The following NBAS variants were observed in gnomAD, a reference collection of about 807,000 sequenced individuals.
NBAS encodes the protein NAG/BC035112 fusion.
Under a neutral mutation model 302.5 loss-of-function variants are expected in NBAS, and 219 were observed. That is an observed-to-expected ratio of 0.72 (90% CI 0.65 to 0.81). The LOEUF is 0.81. NBAS is among the 30% of genes least tolerant of loss of function. The probability of loss-of-function intolerance (pLI) is 0.00; values close to 1 mark genes in which losing one functional copy is unlikely to be tolerated. For synonymous variants in NBAS, 1,118 were observed against 1,021.6 expected (o/e 1.09, Z -1.80); for missense variants, 2,932 against 2,841.6 (o/e 1.03, Z -0.72).
In NBAS at chr2:15,417,672, C is replaced by T. The variant is rs372807975; in HGVS notation, c.2618G>A (p.Arg873Gln). Reference protein sequence around the residue: ...ALSLIRLGMERNIPGLLVLCD... With the variant: ...ALSLIRLGMEQNIPGLLVLCD... ...GAGAACCAGCAAACCAGGAATATTC[C>T]GCTCCATCCCAAGTCGAATAAGTGA... Residue 873 changes from arginine to glutamine, a missense_variant, in exon 24 of 52, where the codon CGG becomes CAG. Coordinates refer to ENST00000281513, the MANE Select transcript of NBAS (RefSeq NM_015909.4). The T allele has an allele frequency of 2.3e-5, 37 of 1,613,742 alleles. No homozygotes were observed. In the African/African-American group the frequency reaches 2.7e-4, roughly 12 times the overall value.
chr2:15,231,963 C>T (rs549242715), intron 47 of NBAS, among the ~76,000 whole-genome samples: 2 of 152,308 alleles, frequency 1.3e-5, no homozygotes, highest in East Asian at 3.9e-4. Flanking sequence ...CGGAGATACA[C>T]ATCTTTCTAG....
chr2:14,863,288 C>T, the NBAS span, among the ~76,000 whole-genome samples: 1 of 152,162 alleles, frequency 6.6e-6, no homozygotes, highest in Non-Finnish European at 1.5e-5. Context: ...TGTTTATTCA[C>T]TTGGGTGCAA....
the NBAS span, among the ~76,000 whole-genome samples, chr2:14,973,951 C>T: frequency 6.6e-6 from 1 of 152,268 alleles, no homozygotes; most frequent in East Asian, 1.9e-4. Flanking sequence ...AATGCCATTC[C>T]CCATCTATAC....
At chr2:14,849,407 C>T in the NBAS span, among the ~76,000 whole-genome samples, 9 of 151,002 alleles carry the variant, frequency 6.0e-5, no homozygotes, top group African/African-American at 2.0e-4. Flanking sequence ...ATGAGCAAAG[C>T]CTCCAAGAAA....
intron 51 of NBAS, among the ~76,000 whole-genome samples, chr2:15,167,869 A>G (rs890024192): frequency 6.6e-6 from 1 of 152,208 alleles, no homozygotes; most frequent in Non-Finnish European, 1.5e-5. Flanking sequence ...TTGGAACAAG[A>G]AAACCTTTTT....
At chr2:15,037,383 C>T in the NBAS span, among the ~76,000 whole-genome samples, 92 of 150,750 alleles carry the variant, frequency 6.1e-4, no homozygotes, top group Middle Eastern at 6.8e-3. Flanking sequence ...CTACCACTGC[C>T]GACAGAAACT....
the NBAS span, among the ~76,000 whole-genome samples, chr2:14,968,889 T>C: frequency 2.6e-5 from 4 of 152,212 alleles, no homozygotes; most frequent in Non-Finnish European, 1.5e-5. Context: ...TAAAAATTTA[T>C]ATTAAAATAT....
At chr2:15,498,603 G>A (rs755848808) in intron 11 of NBAS, among the ~76,000 whole-genome samples, 15 of 152,082 alleles carry the variant, frequency 9.9e-5, no homozygotes, top group Non-Finnish European at 1.3e-4. Flanking sequence ...TTGGATCTGC[G>A]TCCCCACCCA....
At chr2:14,989,287 A>ATGTG in the NBAS span, among the ~76,000 whole-genome samples, 15 of 70,950 alleles carry the variant, frequency 2.1e-4, no homozygotes, top group South Asian at 1.1e-3. Flanking sequence ...TAGTAGATGT[A>ATGTG]TGTGTATGTG....
the NBAS span, among the ~76,000 whole-genome samples, chr2:14,789,229 G>A: frequency 1.6e-4 from 24 of 152,258 alleles, no homozygotes; most frequent in East Asian, 2.5e-3. Context: ...TCCAGGTGCC[G>A]TCTGTCACCC....
intron 24 of NBAS, among the ~76,000 whole-genome samples, chr2:15,417,229 G>C (rs761077311): frequency 1.3e-5 from 2 of 152,014 alleles, no homozygotes; most frequent in African/African-American, 4.8e-5. Context: ...AAAGTGAAAG[G>C]TTAAATACAG....
chr2:15,033,115 G>A, the NBAS span, among the ~76,000 whole-genome samples: 1 of 152,198 alleles, frequency 6.6e-6, no homozygotes, highest in Non-Finnish European at 1.5e-5. Flanking sequence ...AAAGTGGAAC[G>A]GCCACTCCAA....
the NBAS span, among the ~76,000 whole-genome samples, chr2:15,042,405 G>A: frequency 1.1e-5 from 1 of 92,846 alleles, no homozygotes; most frequent in African/African-American, 4.7e-5. Context: ...GAAAATTGCT[G>A]GGAGAAGGAA....
chr2:15,194,519 C>A (rs1012733999), intron 48 of NBAS, among the ~76,000 whole-genome samples: 1 of 152,152 alleles, frequency 6.6e-6, no homozygotes, highest in African/African-American at 2.4e-5. Flanking sequence ...AAAGAACCTG[C>A]CACTAATAGC....
chr2:15,551,592 T>C, intron 5 of NBAS, 56 bp from the exon 6 acceptor site: 1 of 1,328,822 alleles, frequency 7.5e-7, no homozygotes, highest in South Asian at 1.3e-5. Flanking sequence ...TATAGAACCA[T>C]AAAATACCAG....
At chr2:14,950,111 C>T in the NBAS span, among the ~76,000 whole-genome samples, 1 of 152,152 alleles carries the variant, frequency 6.6e-6, no homozygotes, top group Non-Finnish European at 1.5e-5. Context: ...GTGCACCTAT[C>T]ACCCAAGCAG....
intron 39 of NBAS, 37 bp from the exon 40 acceptor site, chr2:15,308,390 G>A (rs771059620): frequency 1.8e-5 from 29 of 1,608,500 alleles, no homozygotes; most frequent in Non-Finnish European, 2.5e-5. Flanking sequence ...TCAGCTGAAA[G>A]GAAATTATGA....
At chr2:15,372,024 A>G (rs1674511539) in intron 31 of NBAS, among the ~76,000 whole-genome samples, 1 of 152,202 alleles carries the variant, frequency 6.6e-6, no homozygotes, top group African/African-American at 2.4e-5. Context: ...GATTCTTATT[A>G]GTACCCCCAT....
Position 15,473,252 on chromosome 2 carries a change from C to T in NBAS, c.1695G>A (p.Ala565=), listed in dbSNP as rs747253255. Residue 565 remains alanine, a synonymous_variant, in exon 16 of 52, where the codon GCG becomes GCA. Coordinates refer to ENST00000281513, the MANE Select transcript of NBAS (RefSeq NM_015909.4). ...AATTCTGAATTGAAGCAACGTTGAC[C>T]GCTGACTTCCTCCACTGCCTCTGAT... ...LVYQRQWRKS[A]VNVASIQNYL... 25 of 1,613,888 alleles carry T rather than the reference C, an allele frequency of 1.5e-5. No individual in the cohort carries two copies. Among genetic ancestry groups the T allele is most frequent in the East Asian group, 4.5e-5 (2 of 44,894 alleles).
Sources: allele counts gnomAD v4.1 joint callset (sites outside exome capture counted in the v4.1 genomes callset), GRCh38; gene constraint gnomAD v4.1.1; transcripts MANE v1.5; gene names NCBI Gene and HGNC (gene_info 2026-07-23, HGNC 2026-07-21).